Variants in ODAD2 observed in about 807,000 individuals in gnomAD.
ODAD2 encodes outer dynein arm-docking complex subunit 2.
ODAD2 carries 89 observed loss-of-function variants against 106.8 expected under a neutral mutation model. That is an observed-to-expected ratio of 0.83 (90% CI 0.70 to 0.99). The LOEUF is 0.99. ODAD2 is among the 50% of genes least tolerant of loss of function. ODAD2 has a pLI of 0.00. For missense variants in ODAD2, 1,168 were observed against 1,238.5 expected, an observed-to-expected ratio of 0.94 and a Z score of 0.85; for synonymous variants, 404 against 436.2, an observed-to-expected ratio of 0.93 and a Z score of 0.92.
intron 2 of ODAD2, among the ~76,000 whole-genome samples, chr10:27,991,785 A>G (rs1345874419): frequency 6.6e-6 from 1 of 152,166 alleles, no homozygotes; most frequent in African/African-American, 2.4e-5. Context: ...TCCAAGCTCA[A>G]ATCCTCCAGG....
rs902652086 is a variant in ODAD2, at chr10:27,892,867, G to A, written c.2610+14796C>T. On this transcript the variant is annotated intron_variant, in intron 17 of 19. Coordinates refer to ENST00000305242, the MANE Select transcript of ODAD2 (RefSeq NM_018076.5). ...TTTCCAACAAGAAAAGATGTACTACGGCCGGGTGTGGTAACTCACGCCTGT... is the reference window on the plus strand; with the variant it reads ...TTTCCAACAAGAAAAGATGTACTACAGCCGGGTGTGGTAACTCACGCCTGT... 8.5e-5 allele frequency among the ~76,000 whole-genome samples: 13 copies of A among 152,304 alleles called. No individual in the cohort carries two copies. The East Asian group carries it at 2.3e-3, about 27-fold the overall frequency.
chr10:27,960,428 C>T (rs547815643), intron 10 of ODAD2, among the ~76,000 whole-genome samples: 1 of 151,026 alleles, frequency 6.6e-6, no homozygotes, highest in Admixed American at 6.6e-5. Flanking sequence ...CTCACTGCAA[C>T]CTCCGCCTCC....
intron 10 of ODAD2, among the ~76,000 whole-genome samples, chr10:27,945,832 A>G (rs1846876161): frequency 6.6e-6 from 1 of 151,264 alleles, no homozygotes; most frequent in African/African-American, 2.5e-5. Flanking sequence ...TTCTGGCATC[A>G]GCACTAAAGT....
Position 27,944,883 on chromosome 10 carries a change from G to A in ODAD2, c.1466C>T (p.Ala489Val), listed in dbSNP as rs1284135137. 1 of 1,614,114 alleles carries A rather than the reference G, an allele frequency of 6.2e-7. No homozygotes were observed. Among genetic ancestry groups the A allele is most frequent in the Non-Finnish European group, 8.5e-7 (1 of 1,180,006 alleles). Residue 489 changes from alanine (A) to valine (V), a missense_variant, in exon 11 of 20, where the codon GCC (alanine) becomes GTC (valine). Ala to Val is a moderately conservative substitution (Grantham distance 64). Coordinates refer to ENST00000305242, the MANE Select transcript of ODAD2 (RefSeq NM_018076.5). ...FSLAQETCQL[A>V]IRDVGGLEVL... ...TTCCAGGCCTCCAACATCTCTGATG[G>A]CCAACTGGCAGGTTTCTTGAGCTAA...
chr10:27,895,041 GAAAAA>G (rs367930896), intron 17 of ODAD2, among the ~76,000 whole-genome samples: 1 of 136,314 alleles, frequency 7.3e-6, no homozygotes, highest in African/African-American at 2.7e-5. Flanking sequence ...TCATCGGTAC[GAAAAA>G]AAAAAAAAAC....
Position 27,907,727 on chromosome 10 carries a change from T to A in ODAD2, c.2546A>T (p.Asn849Ile), listed in dbSNP as rs1332728578. 6.2e-7 allele frequency: 1 copy of A among 1,613,788 alleles called. No individual in the cohort carries two copies. Among genetic ancestry groups the A allele is most frequent in the South Asian group, 1.1e-5 (1 of 91,058 alleles). Residue 849 changes from asparagine to isoleucine, a missense_variant, in exon 17 of 20, where the codon AAT (asparagine) becomes ATT (isoleucine). By Grantham distance (149) the Asn-to-Ile change is moderately radical. This residue lies in a region of ODAD2 where 701 missense variants were observed against 712.3 expected (regional missense o/e 0.98). Transcript: ENST00000305242. ...GCTGGCCTTCACGTCTGGGTGAGGA[T>A]TTTTCAGCAGGGACCACAACAAACG... ...GVRLLWSLLK[N>I]PHPDVKASAA...
chr10:27,973,797 C>A (rs1003671496), intron 7 of ODAD2, among the ~76,000 whole-genome samples: 3 of 152,016 alleles, frequency 2.0e-5, no homozygotes, highest in Non-Finnish European at 4.4e-5. Context: ...GGGTATATAC[C>A]CAGTAATGAA....
chr10:27,852,631 G>A (rs772128860), intron 19 of ODAD2, among the ~76,000 whole-genome samples: 1 of 152,056 alleles, frequency 6.6e-6, no homozygotes, highest in East Asian at 1.9e-4. Context: ...AAAGCAGATG[G>A]GAAAAATAGA....
intron 8 of ODAD2, among the ~76,000 whole-genome samples, chr10:27,970,688 A>G (rs1368607788): frequency 6.6e-6 from 1 of 152,090 alleles, no homozygotes; most frequent in Admixed American, 6.6e-5. Context: ...TTCTGGCCAG[A>G]CGCAGTGACT....
chr10:27,858,947 G>A (rs1274031610), intron 19 of ODAD2, among the ~76,000 whole-genome samples: 1 of 151,878 alleles, frequency 6.6e-6, no homozygotes, highest in East Asian at 1.9e-4. Flanking sequence ...GGGACTACAG[G>A]TGCATGCCTA....
intron 13 of ODAD2, among the ~76,000 whole-genome samples, chr10:27,940,330 A>T (rs927020993): frequency 6.6e-6 from 1 of 151,938 alleles, no homozygotes; most frequent in African/African-American, 2.4e-5. Flanking sequence ...TACGTGTGAG[A>T]TTTATATAAA....
intron 17 of ODAD2, among the ~76,000 whole-genome samples, chr10:27,864,533 G>A (rs1370211172): frequency 1.3e-5 from 2 of 150,508 alleles, no homozygotes; most frequent in Admixed American, 6.7e-5. Flanking sequence ...AGCGGGGAGT[G>A]AGGTGAGAGC....
intron 19 of ODAD2, among the ~76,000 whole-genome samples, chr10:27,853,536 G>A (rs1311376875): frequency 1.3e-5 from 2 of 152,008 alleles, no homozygotes; most frequent in Non-Finnish European, 1.5e-5. Flanking sequence ...GTCTATATTA[G>A]TATCAGAAAA....
chr10:27,935,565 T>A (rs897812831), intron 15 of ODAD2, among the ~76,000 whole-genome samples: 1 of 152,138 alleles, frequency 6.6e-6, no homozygotes, highest in Admixed American at 6.6e-5. Context: ...TTTACCTGAA[T>A]GAAGTCTTCT....
chr10:27,935,266 A>C lies in ODAD2; in HGVS notation c.2253-14T>G. 6.2e-7 allele frequency: 1 copy of C among 1,612,660 alleles called. No individual in the cohort carries two copies. The highest frequency in any genetic ancestry group is 1.1e-5 in the South Asian group (1 of 90,926). On this transcript the variant is annotated splice_polypyrimidine_tract_variant and intron_variant, in intron 15 of 19. Transcript: ENST00000305242. ...TATTCCCGAAACCTAAGTTCATCAT[A>C]AGAAAGAGGAGAATTGGTTTTTGTA...
intron 17 of ODAD2, among the ~76,000 whole-genome samples, chr10:27,891,442 A>C (rs1354137328): frequency 6.6e-6 from 1 of 151,884 alleles, no homozygotes; most frequent in East Asian, 1.9e-4. Flanking sequence ...AATTAAGTTT[A>C]GGAAGGTTAC....
chr10:27,847,848 G>T (rs1838898519), intron 19 of ODAD2, among the ~76,000 whole-genome samples: 1 of 152,024 alleles, frequency 6.6e-6, no homozygotes, highest in Non-Finnish European at 1.5e-5. Context: ...AAAATACCTA[G>T]GGATCCAACT....
At chr10:27,924,557 A>C (rs977292475) in intron 16 of ODAD2, among the ~76,000 whole-genome samples, 1 of 145,606 alleles carries the variant, frequency 6.9e-6, no homozygotes, top group Non-Finnish European at 1.5e-5. Flanking sequence ...TAAAATAAAA[A>C]ATTTTCAGAA....
intron 9 of ODAD2, among the ~76,000 whole-genome samples, chr10:27,963,183 T>C (rs529418742): frequency 6.6e-6 from 1 of 152,206 alleles, no homozygotes; most frequent in South Asian, 2.1e-4. Flanking sequence ...AATTTTTGTA[T>C]TTTTAGTAGT....
Sources: allele counts gnomAD v4.1 joint callset (sites outside exome capture counted in the v4.1 genomes callset), GRCh38; gene constraint gnomAD v4.1.1; regional missense constraint gnomAD v4.1.1; transcripts MANE v1.5; gene names NCBI Gene and HGNC (gene_info 2026-07-23, HGNC 2026-07-21).